AFF3: variants seen among roughly 807,000 people sequenced by gnomAD.
AFF3 encodes ALF transcription elongation factor 3.
Under a neutral mutation model 129.7 loss-of-function variants are expected in AFF3, and 32 were observed. The observed-to-expected ratio is 0.25, with a 90% confidence interval of 0.19 to 0.33. The LOEUF (loss-of-function observed/expected upper bound fraction) is 0.33, where lower values mean the gene tolerates loss of function less well. AFF3 is among the 10% of genes least tolerant of loss of function. The pLI is 1.00. For synonymous variants in AFF3, 644 were observed against 635.4 expected (o/e 1.01, Z -0.20); for missense variants, 1,373 against 1,592.0 (o/e 0.86, Z 2.34).
chr2:99,701,339 T>C (rs1182677010), intron 11 of AFF3, among the ~76,000 whole-genome samples: 5 of 152,166 alleles, frequency 3.3e-5, no homozygotes, highest in Non-Finnish European at 1.5e-5. Flanking sequence ...CGGTACCTCA[T>C]GACTTCCTGC....
At chr2:99,696,298 C>T (rs565802869) in intron 11 of AFF3, among the ~76,000 whole-genome samples, 4 of 152,262 alleles carry the variant, frequency 2.6e-5, no homozygotes, top group African/African-American at 7.2e-5. Flanking sequence ...CTTCATGGCA[C>T]GTTAGAGCAT....
intron 15 of AFF3, 54 bp downstream of exon 15, chr2:99,593,141 A>G: frequency 6.6e-7 from 1 of 1,515,400 alleles, no homozygotes; most frequent in Non-Finnish European, 8.8e-7. Flanking sequence ...CCACAAGTTA[A>G]GAGATAGCCC....
intron 11 of AFF3, among the ~76,000 whole-genome samples, chr2:99,673,535 T>G (rs564974989): frequency 6.5e-4 from 99 of 152,372 alleles, no homozygotes; most frequent in South Asian, 6.2e-4. Context: ...AAAGAAATCT[T>G]ACTCAGAAGT....
chr2:99,649,779 C>A (rs1011920660), intron 12 of AFF3, 113 bp from the exon 13 acceptor site: 4 of 1,173,120 alleles, frequency 3.4e-6, no homozygotes, highest in Non-Finnish European at 3.8e-6. Context: ...TGCCATGTGG[C>A]CAAATTTTAA....
intron 13 of AFF3, among the ~76,000 whole-genome samples, chr2:99,609,693 A>G (rs1006591029): frequency 1.3e-5 from 2 of 152,234 alleles, no homozygotes; most frequent in Non-Finnish European, 2.9e-5. Flanking sequence ...ATTCACTGGA[A>G]GTTGCAAGAA....
intron 7 of AFF3, among the ~76,000 whole-genome samples, chr2:99,982,201 T>A (rs1679467189): frequency 6.6e-6 from 1 of 152,168 alleles, no homozygotes; most frequent in African/African-American, 2.4e-5. Flanking sequence ...GATTCCATAA[T>A]TTCCATGTGT....
intron 7 of AFF3, among the ~76,000 whole-genome samples, chr2:99,963,588 T>C (rs1462365846): frequency 1.3e-5 from 2 of 151,562 alleles, no homozygotes; most frequent in Non-Finnish European, 2.9e-5. Flanking sequence ...TACCTAGAGA[T>C]ACCACTAAGA....
At chr2:99,910,850 G>A (rs1695058476) in intron 7 of AFF3, among the ~76,000 whole-genome samples, 1 of 152,220 alleles carries the variant, frequency 6.6e-6, no homozygotes, top group South Asian at 2.1e-4. Context: ...ATCATTTCGG[G>A]AGCTCTGACC....
intron 7 of AFF3, among the ~76,000 whole-genome samples, chr2:99,877,943 G>A (rs1692420931): frequency 6.6e-6 from 1 of 152,112 alleles, no homozygotes; most frequent in Non-Finnish European, 1.5e-5. Context: ...ATGCATGTTG[G>A]ATGAACACAT....
rs149956364 is a variant in AFF3 at position 100,008,851 on chromosome 2, C to T, written c.135G>A (p.Thr45=). Residue 45 remains threonine, a synonymous_variant, in exon 5 of 25, where the codon ACG becomes ACA. Transcript: ENST00000672756. ...RNQETQQDDG[T]FNSSYSLFSE... ...TGAAGAGAGAGTAACTAGAATTAAA[C>T]GTGCCATCATCCTGTTGAGTTTCTT... 30 of 1,614,004 alleles carry T rather than the reference C, an allele frequency of 1.9e-5. No homozygotes were observed. In the African/African-American group the frequency reaches 2.4e-4, roughly 13 times the overall value.
At chr2:99,977,969 G>T (rs1005991964) in intron 7 of AFF3, among the ~76,000 whole-genome samples, 5 of 152,146 alleles carry the variant, frequency 3.3e-5, no homozygotes, top group African/African-American at 1.2e-4. Flanking sequence ...GCTCTAAGGA[G>T]GAGAAGAGCT....
At chr2:100,021,367 C>T (rs1229421073) in intron 4 of AFF3, among the ~76,000 whole-genome samples, 1 of 152,136 alleles carries the variant, frequency 6.6e-6, no homozygotes, top group Non-Finnish European at 1.5e-5. Flanking sequence ...AGAGTGGGCA[C>T]TGAATAAAAC....
intron 7 of AFF3, among the ~76,000 whole-genome samples, chr2:99,900,787 G>C (rs563139040): frequency 6.6e-6 from 1 of 152,280 alleles, no homozygotes; most frequent in African/African-American, 2.4e-5. Flanking sequence ...AGAATAGAGC[G>C]GTAGCCATGG....
At chr2:99,966,002 A>G (rs1677708205) in intron 7 of AFF3, among the ~76,000 whole-genome samples, 3 of 152,212 alleles carry the variant, frequency 2.0e-5, no homozygotes, top group Admixed American at 2.0e-4. Context: ...AAAATTTTGC[A>G]TTTTTGTTTA....
intron 11 of AFF3, among the ~76,000 whole-genome samples, chr2:99,721,631 T>C (rs1225411397): frequency 6.6e-6 from 1 of 152,244 alleles, no homozygotes; most frequent in Non-Finnish European, 1.5e-5. Context: ...ATTACATATT[T>C]GTGATGAGAA....
At position 99,968,318 on chromosome 2, in the gene AFF3, G is replaced by A. The variant is rs143509555; in HGVS notation, c.873+38314C>T. Among the ~76,000 whole-genome samples the A allele has an allele frequency of 4.8e-3, 733 of 152,278 alleles. 4 individuals carry two copies. The highest frequency in any genetic ancestry group is 0.017 in the African/African-American group (701 of 41,552). On this transcript the variant is annotated intron_variant, in intron 7 of 24. Transcript: ENST00000672756. The stretch of plus-strand genomic sequence containing the variant: ...TTAAAACATACTTTTGCCCTTAAGT[G>A]GATTCTATTTTCCTCTCAACCATGT...
intron 4 of AFF3, among the ~76,000 whole-genome samples, chr2:100,062,523 G>A (rs575737636): frequency 1.7e-4 from 26 of 152,300 alleles, no homozygotes; most frequent in Non-Finnish European, 3.2e-4. Flanking sequence ...GACATGTGGT[G>A]ATCTCACGTG....
At chr2:100,033,937 A>G (rs1021901455) in intron 4 of AFF3, among the ~76,000 whole-genome samples, 3 of 152,234 alleles carry the variant, frequency 2.0e-5, no homozygotes, top group Non-Finnish European at 4.4e-5. Flanking sequence ...GCTACACCAC[A>G]GTACATAAAT....
intron 9 of AFF3, among the ~76,000 whole-genome samples, chr2:99,745,873 G>A (rs1681112472): frequency 6.6e-6 from 1 of 152,100 alleles, no homozygotes; most frequent in African/African-American, 2.4e-5. Flanking sequence ...TCATTTAATA[G>A]AAAGTAAACC....
Sources: gnomAD v4.1 joint callset for allele counts (sites outside exome capture counted in the v4.1 genomes callset) on GRCh38, gnomAD v4.1.1 for gene constraint, MANE v1.5 for transcripts, NCBI Gene and HGNC (gene_info 2026-07-23, HGNC 2026-07-21) for gene names.